Variants in ROBO2 observed in about 807,000 individuals in gnomAD.
ROBO2 encodes the protein roundabout homolog 2.
In ROBO2, 53 loss-of-function variants were observed where a neutral mutation model predicts 160.8. That is an observed-to-expected ratio of 0.33 (90% CI 0.26 to 0.41). The LOEUF is 0.41. Among genes scored for constraint, ROBO2 ranks in the 10% least tolerant of loss-of-function variants. The pLI, the probability that ROBO2 is intolerant of heterozygous loss-of-function variation, is 1.00. For missense variants in ROBO2, 1,577 were observed against 1,722.4 expected, an observed-to-expected ratio of 0.92 and a Z score of 1.49; for synonymous variants, 664 against 611.7, an observed-to-expected ratio of 1.09 and a Z score of -1.26.
chr3:77,315,818 A>T (rs2063932228), intron 2 of ROBO2, among the ~76,000 whole-genome samples: 2 of 152,186 alleles, frequency 1.3e-5, no homozygotes, highest in African/African-American at 4.8e-5. Context: ...GCAAAAGGGT[A>T]AGTGGCTGAT....
chr3:77,548,170 CACACAA>C (rs1193100482), intron 7 of ROBO2, among the ~76,000 whole-genome samples: 2 of 151,800 alleles, frequency 1.3e-5, no homozygotes, highest in African/African-American at 4.8e-5. Context: ...CACACACACA[CACACAA>C]AAAGGAGAGA....
At chr3:77,067,008 ACACTCTCACACACACACACT>A (rs1280275200) in intron 1 of ROBO2, among the ~76,000 whole-genome samples, 4 of 141,400 alleles carry the variant, frequency 2.8e-5, no homozygotes, top group South Asian at 2.4e-4. Flanking sequence ...ATACACTCAC[ACACTCTCACACACACACACT>A]CACACACACA....
chr3:76,875,920 C>T (rs1313036592), intron 2 of ROBO2, among the ~76,000 whole-genome samples: 2 of 152,054 alleles, frequency 1.3e-5, no homozygotes, highest in Non-Finnish European at 2.9e-5. Flanking sequence ...TCCTAAAGTG[C>T]CAGAATTACA....
intron 2 of ROBO2, among the ~76,000 whole-genome samples, chr3:76,926,737 T>A (rs1265997814): frequency 1.3e-5 from 2 of 152,194 alleles, no homozygotes; most frequent in African/African-American, 4.8e-5. Context: ...TTTAAAAATG[T>A]CAATAGTGTG....
chr3:76,554,339 A>T (rs550621671), intron 2 of ROBO2, among the ~76,000 whole-genome samples: 2 of 152,338 alleles, frequency 1.3e-5, no homozygotes, highest in South Asian at 2.1e-4. Flanking sequence ...AGGAGTAGAT[A>T]TGAGGACATG....
chr3:76,197,010 T>C (rs373579599), intron 2 of ROBO2, among the ~76,000 whole-genome samples: 16 of 152,228 alleles, frequency 1.1e-4, no homozygotes, highest in Non-Finnish European at 1.3e-4. Flanking sequence ...CTAGTGCAAA[T>C]TGAATTGTGA....
chr3:76,121,367 A>G (rs527845522), intron 2 of ROBO2, among the ~76,000 whole-genome samples: 9 of 152,274 alleles, frequency 5.9e-5, no homozygotes, highest in Admixed American at 2.6e-4. Context: ...CTAACTGTAC[A>G]TAGCAAAGCA....
chr3:77,353,958 T>G (rs1021191730), intron 2 of ROBO2, among the ~76,000 whole-genome samples: 3 of 152,212 alleles, frequency 2.0e-5, no homozygotes, highest in Admixed American at 6.5e-5. Context: ...TACCGCTTCT[T>G]CCCACCACTG....
chr3:76,340,883 C>T (rs549319721), intron 2 of ROBO2, among the ~76,000 whole-genome samples: 9 of 151,974 alleles, frequency 5.9e-5, no homozygotes, highest in South Asian at 2.1e-4. Flanking sequence ...AATTAGCATG[C>T]GGAAATATCT....
intron 2 of ROBO2, among the ~76,000 whole-genome samples, chr3:77,231,480 C>T (rs2087206380): frequency 6.6e-6 from 1 of 151,862 alleles, no homozygotes; most frequent in African/African-American, 2.4e-5. Context: ...GATGAGGTCC[C>T]CTTATCCTTT....
At chr3:77,358,535 A>C (rs1387784278) in intron 2 of ROBO2, among the ~76,000 whole-genome samples, 1 of 152,238 alleles carries the variant, frequency 6.6e-6, no homozygotes, top group African/African-American at 2.4e-5. Context: ...ACAATAAGGC[A>C]ATCATTATAA....
chr3:77,532,270 G>A (rs987655500), intron 6 of ROBO2, among the ~76,000 whole-genome samples: 18 of 151,528 alleles, frequency 1.2e-4, no homozygotes, highest in Admixed American at 4.6e-4. Context: ...GTATTGAATG[G>A]TATTATAGTG....
intron 2 of ROBO2, among the ~76,000 whole-genome samples, chr3:76,820,424 T>A (rs2066021693): frequency 6.6e-6 from 1 of 152,072 alleles, no homozygotes; most frequent in African/African-American, 2.4e-5. Context: ...TTTGTTCTCC[T>A]ATAAATTGCA....
intron 2 of ROBO2, among the ~76,000 whole-genome samples, chr3:76,586,095 CTT>C (rs1242201361): frequency 6.6e-6 from 1 of 152,142 alleles, no homozygotes; most frequent in Non-Finnish European, 1.5e-5. Context: ...TTAAAATAGT[CTT>C]TACACACAAC....
At chr3:76,325,013 G>A (rs1322848236) in intron 2 of ROBO2, among the ~76,000 whole-genome samples, 3 of 152,202 alleles carry the variant, frequency 2.0e-5, no homozygotes, top group African/African-American at 7.2e-5. Flanking sequence ...GCTGAGGCAG[G>A]AGAATGGCAT....
chr3:75,918,987 A>G (rs113181856), intron 1 of ROBO2, among the ~76,000 whole-genome samples: 79 of 152,210 alleles, frequency 5.2e-4, no homozygotes, highest in African/African-American at 1.6e-3. Flanking sequence ...CTGCAAACAG[A>G]GACAATTTGA....
At chr3:75,923,429 G>C (rs1460963045) in intron 1 of ROBO2, among the ~76,000 whole-genome samples, 2 of 152,184 alleles carry the variant, frequency 1.3e-5, no homozygotes, top group East Asian at 3.9e-4. Context: ...AGGCAGCTCT[G>C]CTTAATTATG....
intron 6 of ROBO2, among the ~76,000 whole-genome samples, chr3:77,542,563 C>A (rs1381018274): frequency 6.6e-6 from 1 of 152,076 alleles, no homozygotes; most frequent in Non-Finnish European, 1.5e-5. Flanking sequence ...ATAACAGATG[C>A]TGACAGTTTT....
At chr3:77,549,219 G>A (rs2092820581) in intron 7 of ROBO2, among the ~76,000 whole-genome samples, 1 of 151,964 alleles carries the variant, frequency 6.6e-6, no homozygotes, top group Non-Finnish European at 1.5e-5. Context: ...AAGGTGGACT[G>A]ATGGTACATT....
Sources: gnomAD v4.1 joint callset for allele counts (sites outside exome capture counted in the v4.1 genomes callset) on GRCh38, gnomAD v4.1.1 for gene constraint, MANE v1.5 for transcripts, NCBI Gene and HGNC (gene_info 2026-07-23, HGNC 2026-07-21) for gene names.